Variants in HAUS4 observed in about 807,000 individuals in gnomAD.
HAUS4 encodes HAUS augmin like complex subunit 4, also known as HAUS augmin-like complex subunit 4.
HAUS4 carries 34 observed loss-of-function variants against 50.6 expected under a neutral mutation model. The observed-to-expected ratio is 0.67, with a 90% confidence interval of 0.51 to 0.90. The LOEUF (loss-of-function observed/expected upper bound fraction) is 0.90. Among genes scored for constraint, HAUS4 ranks in the 40% least tolerant of loss-of-function variants. The pLI, the probability that HAUS4 is intolerant of heterozygous loss-of-function variation, is 0.00. For synonymous variants in HAUS4, 149 were observed against 161.4 expected, an observed-to-expected ratio of 0.92 and a Z score of 0.58; for missense variants, 370 against 428.7, an observed-to-expected ratio of 0.86 and a Z score of 1.21.
chr14:22,951,683 CAT>C lies in HAUS4; in HGVS notation c.335_336del (p.His112ArgfsTer4). Reference protein sequence around the residue: ...TNVTSEDKKFHETLEQRLLVT... With the variant: ...TNVTSEDKKFXETLEQRLLVT... ...ACAAGCAGCCGCTGTTCAAGGGTCT[CAT>C]GAAACTGAGAGAGAGAGAATAAAAA... On this transcript the variant is annotated frameshift_variant, in exon 5 of 10. Transcript: ENST00000541587. LOFTEE classifies it high-confidence loss of function. 1 of 1,603,294 alleles carries C rather than the reference CAT, an allele frequency of 6.2e-7. No homozygotes were observed. The highest frequency in any genetic ancestry group is 8.5e-7 in the Non-Finnish European group (1 of 1,175,760).
intron 1 of HAUS4, among the ~76,000 whole-genome samples, chr14:22,956,237 A>T (rs966737971): frequency 6.6e-6 from 1 of 152,154 alleles, no homozygotes; most frequent in Admixed American, 6.5e-5. Context: ...GCTTCTGAGA[A>T]CTTAAGGAAA....
At position 22,946,267 on chromosome 14, in the gene HAUS4, A is replaced by G. The variant is rs568499820; in HGVS notation, c.*258T>C. The G allele has an allele frequency of 8.3e-5, 27 of 326,084 alleles. No homozygotes were observed. The highest frequency in any genetic ancestry group is 5.7e-4 in the African/African-American group (27 of 47,386). 20.2% of individuals were successfully genotyped at this position (326,084 alleles called of 1,614,324 possible). On this transcript the variant is annotated 3_prime_UTR_variant, in exon 10 of 10. Coordinates refer to ENST00000541587, the MANE Select transcript of HAUS4 (RefSeq NM_001166269.2). ...ATAACTTTATTCAGGAGATAATCAA[A>G]TACAATACAGGGCTGACACTGACAC... is the stretch of plus-strand genomic sequence containing the variant.
rs968449328 is a variant in HAUS4, at chr14:22,951,702, G to A, written c.331-13C>T. 1 of 1,577,486 alleles carries A rather than the reference G, an allele frequency of 6.3e-7. No individual in the cohort carries two copies. Among genetic ancestry groups the A allele is most frequent in the African/African-American group, 1.4e-5 (1 of 72,936 alleles). On this transcript the variant is annotated splice_polypyrimidine_tract_variant and intron_variant, in intron 4 of 9. Transcript: ENST00000541587. ...GGGTCTCATGAAACTGAGAGAGAGA[G>A]AATAAAAAACAAAAAGAGGCAACTA...
intron 5 of HAUS4, among the ~76,000 whole-genome samples, chr14:22,951,046 G>A (rs2044742954): frequency 6.6e-6 from 1 of 152,112 alleles, no homozygotes; most frequent in Non-Finnish European, 1.5e-5. Context: ...CTGTGCCCAG[G>A]CTGGAGTACA....
In HAUS4 at chr14:22,947,721, C is replaced by G; in HGVS notation, c.719G>C (p.Arg240Pro). Residue 240 changes from arginine to proline, a missense_variant, in exon 8 of 10, where the codon CGC (arginine) becomes CCC (proline). Physicochemically the swap from Arg to Pro is moderately radical, Grantham distance 103 (BLOSUM62 -2). Coordinates refer to ENST00000541587, the MANE Select transcript of HAUS4 (RefSeq NM_001166269.2). ...AAGCCTCTGCAGCAAAGTGAGGCAG[C>G]GGAGAAGCACCTGAGCCCAAGATGG... Reference protein sequence around the residue: ...KSAAYSQVLLRCLTLLQRLLQ... With the variant: ...KSAAYSQVLLPCLTLLQRLLQ... 6.8e-6 allele frequency: 11 copies of G among 1,613,886 alleles called. No homozygotes were observed. The highest frequency in any genetic ancestry group is 1.3e-5 in the African/African-American group (1 of 74,976).
At chr14:22,951,501 T>C in intron 5 of HAUS4, 54 bp downstream of exon 5, 1 of 1,585,448 alleles carries the variant, frequency 6.3e-7, no homozygotes, top group Non-Finnish European at 8.6e-7. Flanking sequence ...ATTTTAAAGA[T>C]ATGGGAGAAA....
rs2044643236 is a variant in HAUS4, at chr14:22,946,395, AGT to A, written c.*128_*129del. ...ACCAGGAGAGTGCCTAAATGACTGC[AGT>A]GTTTCAAGCGTAAGCATTTCCACAC... On this transcript the variant is annotated 3_prime_UTR_variant, in exon 10 of 10. Transcript: ENST00000541587. 3 of 578,124 alleles carry A rather than the reference AGT, an allele frequency of 5.2e-6. No homozygotes were observed. In the South Asian group the frequency reaches 1.0e-4, roughly 19 times the overall value. The allele number at this position is 578,124 out of a possible 1,614,324, so 35.8% of individuals were successfully genotyped here.
intron 4 of HAUS4, among the ~76,000 whole-genome samples, chr14:22,952,078 C>T (rs1470395029): frequency 1.3e-5 from 2 of 152,148 alleles, no homozygotes; most frequent in East Asian, 1.9e-4. Context: ...AGTGCTGTGG[C>T]GCAATCTCGG....
chr14:22,951,785 C>G (rs2044757737), intron 4 of HAUS4, 96 bp from the exon 5 acceptor site: 2 of 1,129,280 alleles, frequency 1.8e-6, no homozygotes, highest in Non-Finnish European at 1.3e-6. Flanking sequence ...CACATATTTT[C>G]AAAGTCCTCA....
At chr14:22,948,463 G>T (rs1293302099) in intron 6 of HAUS4, among the ~76,000 whole-genome samples, 1 of 132,552 alleles carries the variant, frequency 7.5e-6, no homozygotes, top group Non-Finnish European at 1.6e-5. Context: ...GCGGGGGGGG[G>T]GAGGGCATCT....
chr14:22,951,385 G>GT, intron 5 of HAUS4, 170 bp downstream of exon 5: 1 of 689,700 alleles, frequency 1.4e-6, no homozygotes, highest in Non-Finnish European at 2.5e-6. Flanking sequence ...TCTAGATGCA[G>GT]TATTTCAGCT....
rs2044877971 is a variant in HAUS4 at position 22,957,010 on chromosome 14, C to G, written c.-117G>C. 2 of 154,356 alleles carry G rather than the reference C, an allele frequency of 1.3e-5. No homozygotes were observed. The highest frequency in any genetic ancestry group is 1.3e-4 in the Admixed American group (2 of 15,292). 9.6% of individuals were successfully genotyped at this position (154,356 alleles called of 1,614,324 possible). A position where few individuals can be genotyped will look rare whatever the true frequency, so the allele number is the denominator to read the frequency against. On this transcript the variant is annotated 5_prime_UTR_variant, in exon 1 of 10. Coordinates refer to ENST00000541587, the MANE Select transcript of HAUS4 (RefSeq NM_001166269.2). ...CAGCGTCTACACCCCAGAACCCGCCCGCGCCGGGGCTCCGGAACCTCTCGT... is the reference window on the plus strand; with the variant it reads ...CAGCGTCTACACCCCAGAACCCGCCGGCGCCGGGGCTCCGGAACCTCTCGT...
At chr14:22,949,228 T>C (rs1332833001) in intron 6 of HAUS4, among the ~76,000 whole-genome samples, 4 of 148,914 alleles carry the variant, frequency 2.7e-5, no homozygotes, top group South Asian at 2.1e-4. Context: ...ATTATTTTCG[T>C]AAAAATGATA....
intron 1 of HAUS4, chr14:22,955,383 T>C (rs192946977): frequency 1.4e-4 from 81 of 573,910 alleles, no homozygotes; most frequent in African/African-American, 1.3e-3. Flanking sequence ...TGCCAAAACA[T>C]GTCACATTCT....
chr14:22,949,082 C>G (rs536093059), intron 6 of HAUS4, among the ~76,000 whole-genome samples: 1 of 147,078 alleles, frequency 6.8e-6, no homozygotes, highest in South Asian at 2.2e-4. Flanking sequence ...GCTTGAACCT[C>G]GGAGGCGAAG....
chr14:22,950,640 T>C (rs1456559140), intron 5 of HAUS4, among the ~76,000 whole-genome samples: 1 of 152,214 alleles, frequency 6.6e-6, no homozygotes, highest in Non-Finnish European at 1.5e-5. Flanking sequence ...CCTTTCTGGA[T>C]AGCAGTTTGG....
intron 2 of HAUS4, among the ~76,000 whole-genome samples, chr14:22,953,244 A>G (rs4981455): frequency 0.43 from 65,712 of 151,244 alleles, 17,457 homozygotes; most frequent in East Asian, 0.79. Flanking sequence ...TAACCTCCCC[A>G]GATCAAGCGA....
chr14:22,946,661 T>C lies in HAUS4; in HGVS notation c.956A>G (p.Asn319Ser). 1.2e-6 allele frequency: 2 copies of C among 1,613,756 alleles called. No individual in the cohort carries two copies. The highest frequency in any genetic ancestry group is 1.7e-6 in the Non-Finnish European group (2 of 1,179,788). ...ATAGGAGTTCAGGACCTGTCTTGAG[T>C]TCTCCATGTCCTGCTCCTGTAGGTG... ...AIHLQEQDME[N>S]SRQVLNSYEV... Residue 319 changes from asparagine to serine, a missense_variant, in exon 10 of 10, where the codon AAC (asparagine) becomes AGC (serine). Physicochemically the swap from Asn to Ser is conservative, Grantham distance 46. Coordinates refer to ENST00000541587, the MANE Select transcript of HAUS4 (RefSeq NM_001166269.2).
chr14:22,953,309 A>AC (rs2044792820), intron 2 of HAUS4, among the ~76,000 whole-genome samples: 1 of 148,442 alleles, frequency 6.7e-6, no homozygotes, highest in Non-Finnish European at 1.5e-5. Flanking sequence ...TGACTGGCTA[A>AC]TTTTTTTTTT....
Sources: allele counts gnomAD v4.1 joint callset (sites outside exome capture counted in the v4.1 genomes callset), GRCh38; gene constraint gnomAD v4.1.1; transcripts MANE v1.5; gene names NCBI Gene and HGNC (gene_info 2026-07-23, HGNC 2026-07-21).